MRTFB: variants seen among roughly 807,000 people sequenced by gnomAD.
MRTFB encodes the protein myocardin related transcription factor B.
A neutral mutation model predicts 104.2 loss-of-function variants in MRTFB; 29 were observed. The observed-to-expected ratio is 0.28, with a 90% CI of 0.21 to 0.38. MRTFB has a LOEUF of 0.38. Among genes scored for constraint, MRTFB ranks in the 10% least tolerant of loss-of-function variants. MRTFB has a pLI of 1.00. For missense variants in MRTFB, 1,270 were observed against 1,341.6 expected (o/e 0.95, Z 0.83); for synonymous variants, 535 against 519.5 (o/e 1.03, Z -0.41).
chr16:14,260,210 G>C (rs967722020), intron 16 of MRTFB, among the ~76,000 whole-genome samples: 3 of 152,074 alleles, frequency 2.0e-5, no homozygotes, highest in African/African-American at 7.2e-5. Flanking sequence ...ATAACCAAGT[G>C]ATCCACCTCA....
At chr16:14,062,800 T>C in the MRTFB span, among the ~76,000 whole-genome samples, 1 of 152,188 alleles carries the variant, frequency 6.6e-6, no homozygotes, top group Non-Finnish European at 1.5e-5. Context: ...AACTCCACCC[T>C]GCTCCTGCGC....
At chr16:14,142,528 G>T (rs11075234) in intron 3 of MRTFB, 2 of 152,346 alleles carry the variant, frequency 1.3e-5, no homozygotes, top group African/African-American at 4.8e-5. Flanking sequence ...GATTGCAGGC[G>T]TGAGCCACCA....
Position 14,218,348 on chromosome 16 carries a change from C to T in MRTFB, c.515-472C>T, listed in dbSNP as rs1016373684. 3.9e-5 allele frequency among the ~76,000 whole-genome samples: 6 copies of T among 152,276 alleles called. No homozygotes were observed. In the East Asian group the frequency reaches 1.2e-3, roughly 29 times the overall value. On this transcript the variant is annotated intron_variant, in intron 7 of 16. Coordinates refer to ENST00000571589, the MANE Select transcript of MRTFB (RefSeq NM_001308142.2). Reference sequence around the variant, plus strand: ...TGCTGCGATTACAGGCGTGAGCCACCGCACCCAGCCTGTCACGTGTTTTTT... The same window carrying T: ...TGCTGCGATTACAGGCGTGAGCCACTGCACCCAGCCTGTCACGTGTTTTTT...
chr16:14,147,102 C>CAAGGACAT (rs1387674773), intron 3 of MRTFB, among the ~76,000 whole-genome samples: 3 of 152,194 alleles, frequency 2.0e-5, no homozygotes, highest in African/African-American at 7.2e-5. Flanking sequence ...ATGTAATTCT[C>CAAGGACAT]AAGGACATCA....
At chr16:14,034,597 A>G in the MRTFB span, among the ~76,000 whole-genome samples, 1 of 149,718 alleles carries the variant, frequency 6.7e-6, no homozygotes, top group Non-Finnish European at 1.5e-5. Context: ...CGGAGCAACA[A>G]GAGTGAAACT....
At chr16:14,227,719 TC>T (rs2042073544) in intron 8 of MRTFB, among the ~76,000 whole-genome samples, 1 of 151,964 alleles carries the variant, frequency 6.6e-6, no homozygotes, top group South Asian at 2.1e-4. Flanking sequence ...ACCATGTTGG[TC>T]AGGTTGGTCT....
chr16:14,163,588 T>A (rs113042584), intron 3 of MRTFB, among the ~76,000 whole-genome samples: 6,383 of 152,156 alleles, frequency 0.042, 405 homozygotes, highest in African/African-American at 0.14. Flanking sequence ...TCCCAGCACC[T>A]TGGGAGGCCG....
intron 3 of MRTFB, among the ~76,000 whole-genome samples, chr16:14,159,712 G>A (rs1284048876): frequency 1.3e-5 from 2 of 151,702 alleles, no homozygotes; most frequent in Non-Finnish European, 1.5e-5. Flanking sequence ...GGCGGATCAC[G>A]AGGTCAGGAG....
the MRTFB span, among the ~76,000 whole-genome samples, chr16:14,007,636 G>T: frequency 6.6e-6 from 1 of 152,172 alleles, no homozygotes; most frequent in Non-Finnish European, 1.5e-5. Flanking sequence ...TTGAGAAACT[G>T]CCAAACAGTT....
At chr16:14,046,768 C>G in the MRTFB span, among the ~76,000 whole-genome samples, 1 of 152,298 alleles carries the variant, frequency 6.6e-6, no homozygotes, top group Admixed American at 6.5e-5. Flanking sequence ...AGCCAGAGAA[C>G]ACGGCTGCAG....
At chr16:14,107,006 C>A (rs1313761865) in intron 2 of MRTFB, among the ~76,000 whole-genome samples, 2 of 152,028 alleles carry the variant, frequency 1.3e-5, no homozygotes, top group East Asian at 3.9e-4. Flanking sequence ...GCGTAGGTTA[C>A]CAGAGAGAAA....
chr16:14,093,862 G>A (rs1385872914), intron 2 of MRTFB, among the ~76,000 whole-genome samples: 1 of 152,184 alleles, frequency 6.6e-6, no homozygotes, highest in Non-Finnish European at 1.5e-5. Flanking sequence ...CAGAGCTGAA[G>A]TTTTTAAAAT....
rs2043811608 is a variant in MRTFB at position 14,262,454 on chromosome 16, T to C, written c.*1010T>C. 6.6e-6 allele frequency: 1 copy of C among 152,206 alleles called. No homozygotes were observed. Among genetic ancestry groups the C allele is most frequent in the South Asian group, 2.1e-4 (1 of 4,826 alleles). 9.4% of individuals were successfully genotyped at this position (152,206 alleles called of 1,614,324 possible). On this transcript the variant is annotated 3_prime_UTR_variant, in exon 17 of 17. Coordinates refer to ENST00000571589, the MANE Select transcript of MRTFB (RefSeq NM_001308142.2). Reference sequence around the variant, plus strand: ...TTTCTGAGCTGGCGAGTTAGAAGAATGGAAGGTAAGGGGAAGGTCTGTCAT... The same window carrying C: ...TTTCTGAGCTGGCGAGTTAGAAGAACGGAAGGTAAGGGGAAGGTCTGTCAT...
chr16:14,087,698 G>T (rs1285963857), intron 2 of MRTFB, among the ~76,000 whole-genome samples: 2 of 152,184 alleles, frequency 1.3e-5, no homozygotes, highest in African/African-American at 4.8e-5. Context: ...CAGTCTGATT[G>T]TTCTAGCAGC....
At chr16:14,154,927 A>G (rs73516905) in intron 3 of MRTFB, among the ~76,000 whole-genome samples, 4,061 of 152,306 alleles carry the variant, frequency 0.027, 196 homozygotes, top group African/African-American at 0.093. Flanking sequence ...CTCTTGTAGC[A>G]TTCCTTAAAC....
chr16:14,202,220 A>G (rs1473533792), intron 3 of MRTFB, among the ~76,000 whole-genome samples: 3 of 152,102 alleles, frequency 2.0e-5, no homozygotes, highest in Non-Finnish European at 4.4e-5. Flanking sequence ...TGCATATGTT[A>G]TATATAACAT....
chr16:14,127,997 A>G (rs2037245981), intron 2 of MRTFB, among the ~76,000 whole-genome samples: 1 of 138,242 alleles, frequency 7.2e-6, no homozygotes, highest in Admixed American at 8.3e-5. Flanking sequence ...GGCCAAGTCC[A>G]GGTCCATTCT....
rs2035351736 is a variant in MRTFB, at chr16:14,096,094, T to C, written c.-64+16740T>C. The stretch of plus-strand genomic sequence containing the variant: ...TTTATTTATTTATTTATTTATTTAT[T>C]TGAGACAAGTCTCGCTCTGTCTTCC... On this transcript the variant is annotated intron_variant, in intron 2 of 16. Transcript: ENST00000571589. 2.1e-5 allele frequency among the ~76,000 whole-genome samples: 3 copies of C among 142,568 alleles called. No homozygotes were observed. In the Admixed American group the frequency reaches 2.2e-4, roughly 10 times the overall value. 93.5% of individuals were successfully genotyped at this position (142,568 alleles called of 152,430 possible).
At chr16:14,198,675 C>CA (rs1276321955) in intron 3 of MRTFB, among the ~76,000 whole-genome samples, 2 of 152,218 alleles carry the variant, frequency 1.3e-5, no homozygotes, top group African/African-American at 4.8e-5. Context: ...TTACCCATCT[C>CA]ACTTGGAACA....
Sources: allele counts gnomAD v4.1 joint callset (sites outside exome capture counted in the v4.1 genomes callset), GRCh38; gene constraint gnomAD v4.1.1; transcripts MANE v1.5; gene names NCBI Gene and HGNC (gene_info 2026-07-23, HGNC 2026-07-21).